PSTPIP1: variants seen among roughly 807,000 people sequenced by gnomAD.
The protein encoded by PSTPIP1 is proline-serine-threonine phosphatase-interacting protein 1.
A neutral mutation model predicts 69.6 loss-of-function variants in PSTPIP1; 66 were observed. That is an observed-to-expected ratio of 0.95 (90% CI 0.78 to 1.16). The LOEUF is 1.16. PSTPIP1 is among the 50% of genes most tolerant of loss of function. PSTPIP1 has a pLI of 0.00. For synonymous variants in PSTPIP1, 266 were observed against 222.7 expected, an observed-to-expected ratio of 1.19 and a Z score of -1.73; for missense variants, 603 against 557.4, an observed-to-expected ratio of 1.08 and a Z score of -0.82.
rs548186174 is a variant in PSTPIP1, at chr15:77,013,186, C to T, written c.37-4962C>T. Among the ~76,000 whole-genome samples, 5 of 152,352 alleles carry T rather than the reference C, an allele frequency of 3.3e-5. No individual in the cohort carries two copies. In the South Asian group the frequency reaches 1.0e-3, roughly 32 times the overall value. On this transcript the variant is annotated intron_variant, in intron 1 of 14. Coordinates refer to ENST00000558012, the MANE Select transcript of PSTPIP1 (RefSeq NM_003978.5). ...CTTCCAAAGCTGCTGCTACGTCTTG[C>T]TTCCCCACCTGTGGCCCATGCTGGA...
chr15:77,029,228 C>A (rs909291187), intron 7 of PSTPIP1, among the ~76,000 whole-genome samples: 1 of 152,206 alleles, frequency 6.6e-6, no homozygotes, highest in African/African-American at 2.4e-5. Flanking sequence ...CAGTCAGGGG[C>A]CAGAGCCCAA....
intron 14 of PSTPIP1, 99 bp from the exon 15 acceptor site, chr15:77,036,946 T>C (rs2076591039): frequency 6.7e-7 from 1 of 1,502,860 alleles, no homozygotes; most frequent in Non-Finnish European, 9.0e-7. Context: ...CTGGGAGACA[T>C]GCCGCATTTA....
intron 10 of PSTPIP1, chr15:77,031,681 A>G (rs1209297164): frequency 1.0e-5 from 2 of 196,364 alleles, no homozygotes; most frequent in South Asian, 1.7e-4. Flanking sequence ...TCTGCTCCCC[A>G]CATCTCCAGG....
At chr15:77,033,246 T>C (rs1426938348) in intron 12 of PSTPIP1, among the ~76,000 whole-genome samples, 9 of 152,216 alleles carry the variant, frequency 5.9e-5, no homozygotes, top group African/African-American at 1.7e-4. Context: ...TGGGGCCTCA[T>C]GTGAGCCTGG....
In PSTPIP1 at chr15:77,018,175, T is replaced by C; in HGVS notation, c.64T>C (p.Tyr22His). Residue 22 changes from tyrosine to histidine, a missense_variant, in exon 2 of 15, where the codon TAC (tyrosine) becomes CAC (histidine). Physicochemically the swap from Tyr to His is moderately conservative, Grantham distance 83. Coordinates refer to ENST00000558012, the MANE Select transcript of PSTPIP1 (RefSeq NM_003978.5). ...WCRDFTAHTG[Y>H]EVLLQRLLDG... is the part of the protein sequence containing the mutation. ...CAGGGACTTCACAGCCCACACGGGC[T>C]ACGAGGTGCTGCTGCAGCGGCTTCT... 1.3e-6 allele frequency: 2 copies of C among 1,588,790 alleles called. No individual in the cohort carries two copies. Among genetic ancestry groups the C allele is most frequent in the Non-Finnish European group, 1.7e-6 (2 of 1,168,344 alleles).
At chr15:77,023,057 G>A (rs1034813315) in intron 3 of PSTPIP1, among the ~76,000 whole-genome samples, 3 of 152,246 alleles carry the variant, frequency 2.0e-5, no homozygotes, top group African/African-American at 7.2e-5. Context: ...CAGCTTTCAG[G>A]TGGGGGCTGG....
rs539647104 is a variant in PSTPIP1 at position 77,015,702 on chromosome 15, C to T, written c.37-2446C>T. On this transcript the variant is annotated intron_variant, in intron 1 of 14. Coordinates refer to ENST00000558012, the MANE Select transcript of PSTPIP1 (RefSeq NM_003978.5). Reference sequence around the variant, plus strand: ...TCCCAGCTCAGAGCACGGAGTCAGACCCATGCCCTCGAGGAAGTGGCAGGG... The same window carrying T: ...TCCCAGCTCAGAGCACGGAGTCAGATCCATGCCCTCGAGGAAGTGGCAGGG... 29 of 351,372 alleles carry T rather than the reference C, an allele frequency of 8.3e-5. No homozygotes were observed. In the East Asian group the frequency reaches 2.1e-3, roughly 25 times the overall value. 21.8% of individuals were successfully genotyped at this position (351,372 alleles called of 1,614,324 possible).
Position 77,030,572 on chromosome 15 carries a change from C to A in PSTPIP1, c.633C>A (p.Thr211=). ...CTGAGTGGGAGCAGGAGCACCGGAC[C>A]ACCTGTGAGGTGAGTGGCCCACGTG... ...VRAEWEQEHR[T]TCEAFQLQEF... The change falls in exon 9 of 15, where the codon ACC becomes ACA. Residue 211 remains threonine (T), a synonymous_variant. Coordinates refer to ENST00000558012, the MANE Select transcript of PSTPIP1 (RefSeq NM_003978.5). The A allele has an allele frequency of 6.2e-7, 1 of 1,607,428 alleles. No individual in the cohort carries two copies. The highest frequency in any genetic ancestry group is 8.5e-7 in the Non-Finnish European group (1 of 1,175,454).
intron 1 of PSTPIP1, among the ~76,000 whole-genome samples, chr15:77,013,296 G>GT (rs1484552144): frequency 6.6e-6 from 1 of 152,160 alleles, no homozygotes; most frequent in Admixed American, 6.5e-5. Flanking sequence ...AAGCTCCCCA[G>GT]TTCCCCGACT....
chr15:77,004,166 A>T (rs1328465158), intron 1 of PSTPIP1, among the ~76,000 whole-genome samples: 4 of 152,232 alleles, frequency 2.6e-5, no homozygotes, highest in Non-Finnish European at 5.9e-5. Context: ...GGGATGCCAC[A>T]CAGATGGATC....
chr15:77,035,313 C>G (rs2076532322), intron 12 of PSTPIP1, among the ~76,000 whole-genome samples, 195 bp from the exon 13 acceptor site: 1 of 152,144 alleles, frequency 6.6e-6, no homozygotes, highest in Non-Finnish European at 1.5e-5. Flanking sequence ...GGAGGAGCCA[C>G]CAGGACTACT....
Position 77,001,652 on chromosome 15 carries a change from C to T in PSTPIP1, c.36+6043C>T, listed in dbSNP as rs977222511. On this transcript the variant is annotated intron_variant, in intron 1 of 14. Transcript: ENST00000558012. Reference sequence around the variant, plus strand: ...CTGCATCTGTCAGAAGCAGTGAGGACGGAGGCTCTCCCTTTCCTGATTGGG... The same window carrying T: ...CTGCATCTGTCAGAAGCAGTGAGGATGGAGGCTCTCCCTTTCCTGATTGGG... Among the ~76,000 whole-genome samples the T allele has an allele frequency of 6.6e-5, 10 of 152,318 alleles. No individual in the cohort carries two copies. In the South Asian group the frequency reaches 8.3e-4, roughly 13 times the overall value.
intron 10 of PSTPIP1, among the ~76,000 whole-genome samples, chr15:77,031,944 A>T (rs1568519665): frequency 6.6e-6 from 1 of 152,096 alleles, no homozygotes; most frequent in Non-Finnish European, 1.5e-5. Flanking sequence ...TTGAGGTAGA[A>T]GGGCGAGCTC....
intron 11 of PSTPIP1, 31 bp from the exon 12 acceptor site, chr15:77,032,831 C>A (rs764043431): frequency 5.5e-5 from 84 of 1,536,200 alleles, no homozygotes; most frequent in Non-Finnish European, 7.3e-5. Context: ...TGTTGGGGGC[C>A]GCCCTGGGGC....
chr15:77,026,737 G>A (rs2076288514), intron 5 of PSTPIP1, among the ~76,000 whole-genome samples: 1 of 152,242 alleles, frequency 6.6e-6, no homozygotes, highest in African/African-American at 2.4e-5. Context: ...GCAGACAGGG[G>A]GTCCCCAGAA....
intron 12 of PSTPIP1, among the ~76,000 whole-genome samples, chr15:77,033,293 G>A (rs947751288): frequency 6.6e-6 from 1 of 152,232 alleles, no homozygotes; most frequent in African/African-American, 2.4e-5. Flanking sequence ...CTGTCTGGCT[G>A]GAGCAGGACT....
At chr15:77,021,232 G>T (rs992769510) in intron 3 of PSTPIP1, among the ~76,000 whole-genome samples, 3 of 152,196 alleles carry the variant, frequency 2.0e-5, no homozygotes, top group Non-Finnish European at 4.4e-5. Flanking sequence ...GGAGGCTCGG[G>T]CCACTGAAAT....
chr15:77,034,037 T>G (rs866527113), intron 12 of PSTPIP1, among the ~76,000 whole-genome samples: 9 of 149,994 alleles, frequency 6.0e-5, no homozygotes, highest in Admixed American at 3.3e-4. Context: ...CAGAGAGGAT[T>G]AGAGAGAGAG....
chr15:77,025,642 A>G (rs1314425276), intron 5 of PSTPIP1, 38 bp downstream of exon 5: 5 of 1,328,198 alleles, frequency 3.8e-6, no homozygotes, highest in African/African-American at 1.5e-5. Context: ...CTGCTCCCCC[A>G]TTGCCAGCCT....
Sources: gnomAD v4.1 joint callset for allele counts (sites outside exome capture counted in the v4.1 genomes callset) on GRCh38, gnomAD v4.1.1 for gene constraint, MANE v1.5 for transcripts, NCBI Gene and HGNC (gene_info 2026-07-23, HGNC 2026-07-21) for gene names.